The following ASTN2 variants were observed in gnomAD, a reference collection of about 807,000 sequenced individuals.
ASTN2 encodes astrotactin-2.
ASTN2 carries 54 observed loss-of-function variants against 139.8 expected under a neutral mutation model. The observed-to-expected ratio is 0.39, with a 90% CI of 0.31 to 0.48. The LOEUF (loss-of-function observed/expected upper bound fraction) is 0.48. Among genes scored for constraint, ASTN2 ranks in the 20% least tolerant of loss-of-function variants. The pLI is 0.95. For missense variants in ASTN2, 1,565 were observed against 1,725.1 expected (o/e 0.91, Z 1.64); for synonymous variants, 756 against 719.5 (o/e 1.05, Z -0.81).
chr9:116,491,127 T>G (rs1348126669), intron 19 of ASTN2, among the ~76,000 whole-genome samples: 1 of 152,192 alleles, frequency 6.6e-6, no homozygotes, highest in East Asian at 1.9e-4. Context: ...GCAGTATAAC[T>G]AGTCATACCA....
At chr9:117,364,061 AT>A (rs1829766173) in intron 1 of ASTN2, among the ~76,000 whole-genome samples, 1 of 152,186 alleles carries the variant, frequency 6.6e-6, no homozygotes, top group Non-Finnish European at 1.5e-5. Context: ...AGTAACTGAC[AT>A]CTTGTTTTCT....
intron 19 of ASTN2, among the ~76,000 whole-genome samples, chr9:116,525,975 T>A (rs1381677395): frequency 6.6e-6 from 1 of 152,138 alleles, no homozygotes; most frequent in Non-Finnish European, 1.5e-5. Context: ...TGGTAGATCA[T>A]TTCACCTTAT....
chr9:116,835,537 C>T (rs559976738), intron 11 of ASTN2, among the ~76,000 whole-genome samples: 8 of 152,256 alleles, frequency 5.3e-5, no homozygotes, highest in South Asian at 4.1e-4. Context: ...CACTAAAAGA[C>T]GTCAAAGGAA....
At chr9:116,948,785 G>GTTTTTTTTTTTTTGTTTTT (rs1835472398) in intron 10 of ASTN2, among the ~76,000 whole-genome samples, 7 of 49,472 alleles carry the variant, frequency 1.4e-4, no homozygotes, top group African/African-American at 4.3e-4. Flanking sequence ...ATAATTTGGT[G>GTTTTTTTTTTTTTGTTTTT]TTTTTTTTTT....
At chr9:117,215,332 A>C (rs1588091061) in intron 2 of ASTN2, among the ~76,000 whole-genome samples, 3 of 152,208 alleles carry the variant, frequency 2.0e-5, no homozygotes, top group South Asian at 4.2e-4. Context: ...TTCATTTTTC[A>C]GAAACACCAG....
intron 10 of ASTN2, among the ~76,000 whole-genome samples, chr9:116,952,298 C>T (rs922627317): frequency 2.0e-5 from 3 of 152,146 alleles, no homozygotes; most frequent in Non-Finnish European, 2.9e-5. Flanking sequence ...CTATTGGGCT[C>T]GCATGCAGCC....
chr9:116,958,745 A>G (rs537030305), intron 10 of ASTN2, among the ~76,000 whole-genome samples: 12 of 152,256 alleles, frequency 7.9e-5, no homozygotes, highest in African/African-American at 2.9e-4. Context: ...ATAGTCCCAG[A>G]GACATGCAAA....
chr9:117,410,465 G>A (rs1158020015), intron 1 of ASTN2, among the ~76,000 whole-genome samples: 3 of 152,126 alleles, frequency 2.0e-5, no homozygotes, highest in African/African-American at 7.2e-5. Flanking sequence ...CATGGAGTAG[G>A]TCAGGGCACT....
intron 19 of ASTN2, among the ~76,000 whole-genome samples, chr9:116,609,379 GTATATATATA>G (rs56938236): frequency 0.5 from 58,602 of 116,736 alleles, 14,138 homozygotes; most frequent in Admixed American, 0.59. Context: ...ATATATGGGT[GTATATATATA>G]TATATATATA....
intron 5 of ASTN2, among the ~76,000 whole-genome samples, chr9:117,084,801 G>A (rs1828519966): frequency 6.6e-6 from 1 of 152,224 alleles, no homozygotes; most frequent in South Asian, 2.1e-4. Context: ...GGTTCTCGAT[G>A]CTGGCTAATA....
At chr9:116,963,516 C>T (rs1835924056) in intron 10 of ASTN2, among the ~76,000 whole-genome samples, 1 of 152,054 alleles carries the variant, frequency 6.6e-6, no homozygotes, top group Non-Finnish European at 1.5e-5. Context: ...CAGCCATGGC[C>T]CAATTGGTAC....
chr9:117,175,016 G>T (rs1830882371), intron 3 of ASTN2, among the ~76,000 whole-genome samples: 1 of 151,892 alleles, frequency 6.6e-6, no homozygotes, highest in South Asian at 2.1e-4. Flanking sequence ...AAGATACAAA[G>T]ATTCGCAAGA....
intron 17 of ASTN2, among the ~76,000 whole-genome samples, chr9:116,626,818 G>C (rs1459131830): frequency 6.6e-6 from 1 of 152,148 alleles, no homozygotes; most frequent in African/African-American, 2.4e-5. Flanking sequence ...GATGAACACA[G>C]GAAGGATTGA....
At chr9:116,630,387 T>C (rs895859894) in intron 17 of ASTN2, among the ~76,000 whole-genome samples, 1 of 152,220 alleles carries the variant, frequency 6.6e-6, no homozygotes, top group African/African-American at 2.4e-5. Flanking sequence ...TTTTTAAAGT[T>C]TGATGCTCCT....
chr9:117,120,038 A>G (rs1335413608), intron 4 of ASTN2, among the ~76,000 whole-genome samples: 3 of 131,064 alleles, frequency 2.3e-5, no homozygotes, highest in Admixed American at 7.8e-5. Flanking sequence ...ATATATATAT[A>G]TATATATATA....
intron 16 of ASTN2, among the ~76,000 whole-genome samples, chr9:116,684,739 A>G (rs1243940577): frequency 6.6e-6 from 1 of 152,178 alleles, no homozygotes; most frequent in African/African-American, 2.4e-5. Context: ...ACCCAGAGCA[A>G]TCGACAGCCT....
chr9:116,958,234 T>C (rs1393631194), intron 10 of ASTN2, among the ~76,000 whole-genome samples: 1 of 152,214 alleles, frequency 6.6e-6, no homozygotes, highest in Non-Finnish European at 1.5e-5. Flanking sequence ...GCCTCTGTAA[T>C]TTTTAAGAGC....
At chr9:116,529,497 C>A (rs1404864614) in intron 19 of ASTN2, among the ~76,000 whole-genome samples, 1 of 152,074 alleles carries the variant, frequency 6.6e-6, no homozygotes, top group Admixed American at 6.6e-5. Context: ...TCAGATGAGA[C>A]TTTGGACTTG....
At chr9:117,027,410 C>T (rs555640157) in intron 6 of ASTN2, among the ~76,000 whole-genome samples, 12 of 152,300 alleles carry the variant, frequency 7.9e-5, no homozygotes, top group African/African-American at 2.4e-4. Flanking sequence ...AAAATCCCAA[C>T]TGCTCTTCCT....
Sources: allele counts gnomAD v4.1 joint callset (sites outside exome capture counted in the v4.1 genomes callset), GRCh38; gene constraint gnomAD v4.1.1; transcripts MANE v1.5; gene names NCBI Gene and HGNC (gene_info 2026-07-23, HGNC 2026-07-21).